The following VAV3 variants were observed in gnomAD, a reference collection of about 807,000 sequenced individuals.
VAV3 encodes the protein guanine nucleotide exchange factor VAV3.
A neutral mutation model predicts 131.2 loss-of-function variants in VAV3; 94 were observed. That is an observed-to-expected ratio of 0.72 (90% confidence interval 0.61 to 0.85). The LOEUF (loss-of-function observed/expected upper bound fraction) is 0.85, where lower values mean the gene tolerates loss of function less well. VAV3 is among the 40% of genes least tolerant of loss of function. The pLI, the probability that VAV3 is intolerant of heterozygous loss-of-function variation, is 0.00. For synonymous variants in VAV3, 349 were observed against 342.0 expected, an observed-to-expected ratio of 1.02 and a Z score of -0.22; for missense variants, 939 against 1,002.7, an observed-to-expected ratio of 0.94 and a Z score of 0.86.
At chr1:107,641,963 A>G (rs1655374840) in intron 20 of VAV3, among the ~76,000 whole-genome samples, 1 of 152,194 alleles carries the variant, frequency 6.6e-6, no homozygotes, top group African/African-American at 2.4e-5. Flanking sequence ...TCCGCATATC[A>G]TGTAAAGTTT....
chr1:107,874,137 C>T (rs1670377250), intron 2 of VAV3, among the ~76,000 whole-genome samples: 1 of 152,110 alleles, frequency 6.6e-6, no homozygotes, highest in African/African-American at 2.4e-5. Context: ...GCAATTACAT[C>T]AGCATAAGCT....
At chr1:107,914,591 T>C (rs1423797193) in intron 1 of VAV3, among the ~76,000 whole-genome samples, 4 of 152,238 alleles carry the variant, frequency 2.6e-5, no homozygotes, top group Non-Finnish European at 5.9e-5. Flanking sequence ...GAAGTATCTC[T>C]GTTCTTATAA....
chr1:107,649,812 C>T (rs978781295), intron 19 of VAV3, among the ~76,000 whole-genome samples: 11 of 152,188 alleles, frequency 7.2e-5, no homozygotes, highest in Non-Finnish European at 1.3e-4. Context: ...TTGATATTGG[C>T]TTTGCACTGT....
At chr1:107,747,646 C>T (rs1663436028) in intron 15 of VAV3, among the ~76,000 whole-genome samples, 1 of 152,106 alleles carries the variant, frequency 6.6e-6, no homozygotes, top group Non-Finnish European at 1.5e-5. Flanking sequence ...TTGGCTAGCT[C>T]TCTGCTGATA....
chr1:107,925,854 T>G (rs1343579757), intron 1 of VAV3, among the ~76,000 whole-genome samples: 2 of 151,120 alleles, frequency 1.3e-5, no homozygotes, highest in Admixed American at 1.3e-4. Flanking sequence ...ATACCATATA[T>G]GTATATATAA....
chr1:107,890,512 C>A (rs986800181), intron 1 of VAV3, among the ~76,000 whole-genome samples: 1 of 152,136 alleles, frequency 6.6e-6, no homozygotes, highest in Non-Finnish European at 1.5e-5. Context: ...TTACCCCTCA[C>A]CACATTCTCA....
intron 1 of VAV3, among the ~76,000 whole-genome samples, chr1:107,875,914 G>A (rs1425410047): frequency 6.6e-6 from 1 of 152,140 alleles, no homozygotes; most frequent in East Asian, 1.9e-4. Context: ...TGGAGTCCAG[G>A]GGATAGGTGT....
intron 2 of VAV3, among the ~76,000 whole-genome samples, chr1:107,857,651 A>AT (rs913054352): frequency 2.6e-5 from 4 of 151,818 alleles, no homozygotes; most frequent in Admixed American, 2.6e-4. Flanking sequence ...TGGGCTTTGT[A>AT]TTTTTTTTCT....
intron 2 of VAV3, among the ~76,000 whole-genome samples, chr1:107,834,678 GT>G (rs780511137): frequency 6.6e-5 from 10 of 151,418 alleles, no homozygotes; most frequent in Non-Finnish European, 1.3e-4. Flanking sequence ...AAAATATTGA[GT>G]AAACCAACAT....
chr1:107,929,776 G>A lies in VAV3; in HGVS notation c.204+34890C>T, dbSNP rs552474138. ...TTGTTATCAGCTTAAAGTAGATTTG[G>A]AAGCAACCTACGTGCCCATCAATAG... is the stretch of plus-strand genomic sequence containing the variant. On this transcript the variant is annotated intron_variant, in intron 1 of 26. Transcript: ENST00000370056. Among the ~76,000 whole-genome samples, 4 of 152,230 alleles carry A rather than the reference G, an allele frequency of 2.6e-5. No individual in the cohort carries two copies. The East Asian group carries it at 5.8e-4, about 22-fold the overall frequency.
intron 1 of VAV3, among the ~76,000 whole-genome samples, chr1:107,938,088 C>A (rs562856320): frequency 4.3e-4 from 66 of 152,312 alleles, no homozygotes; most frequent in Non-Finnish European, 1.9e-4. Flanking sequence ...CAAGCCTAAC[C>A]TTCTTGGGGA....
At chr1:107,731,881 G>C (rs184482273) in intron 15 of VAV3, among the ~76,000 whole-genome samples, 1 of 152,118 alleles carries the variant, frequency 6.6e-6, no homozygotes, top group Non-Finnish European at 1.5e-5. Context: ...ATTCAGAATC[G>C]ATGGGAAAAA....
intron 2 of VAV3, among the ~76,000 whole-genome samples, chr1:107,826,015 A>T (rs1571005875): frequency 6.6e-6 from 1 of 152,180 alleles, no homozygotes; most frequent in Non-Finnish European, 1.5e-5. Flanking sequence ...GTAATAGATG[A>T]GAATGCACAG....
intron 19 of VAV3, among the ~76,000 whole-genome samples, chr1:107,668,415 A>C (rs567195307): frequency 4.6e-5 from 7 of 152,326 alleles, no homozygotes; most frequent in African/African-American, 1.7e-4. Context: ...CTCTCAGTGT[A>C]GCTTCCTCAT....
chr1:107,802,841 T>C (rs1401994221), intron 2 of VAV3, among the ~76,000 whole-genome samples: 1 of 151,946 alleles, frequency 6.6e-6, no homozygotes, highest in African/African-American at 2.4e-5. Flanking sequence ...TAGGGTGATG[T>C]TAGCTTTGTG....
intron 20 of VAV3, among the ~76,000 whole-genome samples, chr1:107,618,961 T>C (rs1653368043): frequency 6.6e-6 from 1 of 152,226 alleles, no homozygotes; most frequent in South Asian, 2.1e-4. Context: ...GGCTCCTAGA[T>C]GGGTCTCACT....
intron 24 of VAV3, among the ~76,000 whole-genome samples, chr1:107,597,850 G>C (rs1255336831): frequency 6.6e-6 from 1 of 152,118 alleles, no homozygotes; most frequent in East Asian, 1.9e-4. Flanking sequence ...AACTGTAACA[G>C]CTACCCCATT....
At chr1:107,585,368 T>TA (rs1467508569) in intron 25 of VAV3, among the ~76,000 whole-genome samples, 15 of 152,186 alleles carry the variant, frequency 9.9e-5, no homozygotes, top group African/African-American at 3.6e-4. Flanking sequence ...TGGTTTTTTT[T>TA]ATTATAATAC....
chr1:107,803,579 TG>T (rs1239079342), intron 2 of VAV3, among the ~76,000 whole-genome samples: 1 of 152,082 alleles, frequency 6.6e-6, no homozygotes, highest in African/African-American at 2.4e-5. Flanking sequence ...TTCTTGTGAT[TG>T]ATTTCTAGTT....
Sources: allele counts gnomAD v4.1 joint callset (sites outside exome capture counted in the v4.1 genomes callset), GRCh38; gene constraint gnomAD v4.1.1; transcripts MANE v1.5; gene names NCBI Gene and HGNC (gene_info 2026-07-23, HGNC 2026-07-21).